Variants in NFIB observed in about 807,000 individuals in gnomAD.
The protein encoded by NFIB is nuclear factor I B.
NFIB carries 11 observed loss-of-function variants against 61.5 expected under a neutral mutation model. The observed-to-expected ratio is 0.18, with a 90% confidence interval of 0.11 to 0.30. NFIB has a LOEUF of 0.30. Ranked by LOEUF, NFIB falls within the 10% of genes least tolerant of loss-of-function variation. The pLI is 1.00. For synonymous variants in NFIB, 260 were observed against 216.5 expected (o/e 1.20, Z -1.76); for missense variants, 471 against 608.9 (o/e 0.77, Z 2.38).
chr9:14,444,287 G>T, the NFIB span, among the ~76,000 whole-genome samples: 3 of 152,142 alleles, frequency 2.0e-5, no homozygotes. Flanking sequence ...ACACACCTAG[G>T]GAGAGAGTGT....
upstream of NFIB, among the ~76,000 whole-genome samples, chr9:14,401,473 T>A (rs1454530381): frequency 6.6e-6 from 1 of 152,190 alleles, no homozygotes; most frequent in Non-Finnish European, 1.5e-5. Context: ...ACAAGAAACC[T>A]AGGGCAGCGT....
chr9:14,183,808 T>C (rs1232257396), intron 2 of NFIB, among the ~76,000 whole-genome samples: 1 of 152,148 alleles, frequency 6.6e-6, no homozygotes, highest in Non-Finnish European at 1.5e-5. Context: ...TCTCATTTTA[T>C]CTTCCTCGAT....
the NFIB span, among the ~76,000 whole-genome samples, chr9:14,432,923 C>A: frequency 6.6e-6 from 1 of 152,110 alleles, no homozygotes; most frequent in Non-Finnish European, 1.5e-5. Flanking sequence ...AATTTGCTGG[C>A]TCTGAAAGAA....
intron 2 of NFIB, among the ~76,000 whole-genome samples, chr9:14,253,672 A>T (rs954809649): frequency 6.6e-6 from 1 of 152,154 alleles, no homozygotes; most frequent in Non-Finnish European, 1.5e-5. Flanking sequence ...TTCCAAAAAT[A>T]ATTTTTTAAT....
intron 10 of NFIB, among the ~76,000 whole-genome samples, chr9:14,098,757 G>A (rs2035274473): frequency 6.6e-6 from 1 of 152,156 alleles, no homozygotes; most frequent in African/African-American, 2.4e-5. Flanking sequence ...TTTCACTTAG[G>A]CAGAAAAATT....
rs1405426522 is a variant in NFIB, at chr9:14,216,536, CTCTCTCCCTCTGTGTGTGTGTGTGTGTG to C, written c.563-36784_563-36757del. ...TCTCTCTCTCTCTCTCTCTCTCTCT[CTCTCTCCCTCTGTGTGTGTGTGTGTGTG>C]TGTGTGTGTGTGTGTGTGTGTGTGT... On this transcript the variant is annotated intron_variant, in intron 2 of 10. Coordinates refer to ENST00000380953, the MANE Select transcript of NFIB (RefSeq NM_001190737.2). Among the ~76,000 whole-genome samples, 17 of 31,660 alleles carry C rather than the reference CTCTCTCCCTCTGTGTGTGTGTGTGTGTG, an allele frequency of 5.4e-4. No individual in the cohort carries two copies. In the South Asian group the frequency reaches 0.014, roughly 25 times the overall value. 20.8% of individuals were successfully genotyped at this position (31,660 alleles called of 152,430 possible).
the NFIB span, among the ~76,000 whole-genome samples, chr9:14,486,758 A>G: frequency 6.6e-6 from 1 of 152,154 alleles, no homozygotes; most frequent in Non-Finnish European, 1.5e-5. Context: ...AGACCACAAA[A>G]TATTAACTGG....
At chr9:14,172,174 AT>A (rs1253968830) in intron 3 of NFIB, among the ~76,000 whole-genome samples, 1 of 152,242 alleles carries the variant, frequency 6.6e-6, no homozygotes, top group Admixed American at 6.5e-5. Context: ...TCAAGATGGA[AT>A]TTCAGGGGAA....
chr9:14,347,588 G>A (rs377616097), intron 1 of NFIB, among the ~76,000 whole-genome samples: 14 of 151,272 alleles, frequency 9.3e-5, no homozygotes, highest in African/African-American at 2.9e-4. Flanking sequence ...GATTGGGAGA[G>A]GGGAGAAGGG....
the NFIB span, among the ~76,000 whole-genome samples, chr9:14,503,748 G>A: frequency 6.6e-6 from 1 of 152,144 alleles, no homozygotes; most frequent in Admixed American, 6.6e-5. Flanking sequence ...TATAGATTGT[G>A]AAGATTTTCT....
At chr9:14,379,611 A>G (rs1459936176) in intron 1 of NFIB, among the ~76,000 whole-genome samples, 2 of 152,184 alleles carry the variant, frequency 1.3e-5, no homozygotes, top group African/African-American at 2.4e-5. Context: ...AGAGGGTTAC[A>G]AGAGAGCTTA....
At chr9:14,452,465 A>AGGAAAGGAAAGGAAAGGAAG in the NFIB span, among the ~76,000 whole-genome samples, 7 of 47,414 alleles carry the variant, frequency 1.5e-4, no homozygotes, top group South Asian at 1.2e-3. Context: ...AGGAAAGGAA[A>AGGAAAGGAAAGGAAAGGAAG]GGAAAGGAAA....
At chr9:14,185,415 C>T (rs2047235883) in intron 2 of NFIB, among the ~76,000 whole-genome samples, 1 of 152,136 alleles carries the variant, frequency 6.6e-6, no homozygotes. Flanking sequence ...GATCTGGTCC[C>T]CATCAGCACC....
the NFIB span, among the ~76,000 whole-genome samples, chr9:14,460,233 C>G: frequency 1.3e-5 from 2 of 152,064 alleles, no homozygotes; most frequent in Non-Finnish European, 2.9e-5. Context: ...ATGGATGAAG[C>G]TGGAAACCAT....
the NFIB span, among the ~76,000 whole-genome samples, chr9:14,420,890 C>T: frequency 2.0e-5 from 3 of 152,070 alleles, no homozygotes; most frequent in Admixed American, 6.6e-5. Flanking sequence ...AATTAACATG[C>T]TTCCACTAAT....
the NFIB span, among the ~76,000 whole-genome samples, chr9:14,430,268 G>A: frequency 6.6e-6 from 1 of 151,962 alleles, no homozygotes. Flanking sequence ...GTAGATCACT[G>A]ACTGCTGCTA....
intron 10 of NFIB, among the ~76,000 whole-genome samples, chr9:14,103,849 T>C (rs1254931374): frequency 6.6e-6 from 1 of 152,158 alleles, no homozygotes; most frequent in Non-Finnish European, 1.5e-5. Context: ...TTGATAGACA[T>C]GTAGATTCTG....
intron 2 of NFIB, among the ~76,000 whole-genome samples, chr9:14,221,830 A>C (rs534403682): frequency 6.6e-6 from 1 of 152,328 alleles, no homozygotes; most frequent in Admixed American, 6.5e-5. Context: ...TCTCTTCTCA[A>C]ACTAAACTGC....
At chr9:14,338,586 A>G (rs1039145245) in intron 1 of NFIB, among the ~76,000 whole-genome samples, 6 of 152,126 alleles carry the variant, frequency 3.9e-5, no homozygotes, top group African/African-American at 1.4e-4. Context: ...AATACTGGAG[A>G]GAGTCATTGT....
Sources: allele counts gnomAD v4.1 joint callset (sites outside exome capture counted in the v4.1 genomes callset), GRCh38; gene constraint gnomAD v4.1.1; transcripts MANE v1.5; gene names NCBI Gene and HGNC (gene_info 2026-07-23, HGNC 2026-07-21).